RBFA: variants seen among roughly 807,000 people sequenced by gnomAD.
The protein encoded by RBFA is ribosome binding factor A.
RBFA carries 16 observed loss-of-function variants against 27.9 expected under a neutral mutation model. The observed-to-expected ratio is 0.57, with a 90% CI of 0.39 to 0.87. The LOEUF is 0.87. Ranked by LOEUF, RBFA falls within the 40% of genes least tolerant of loss-of-function variation. RBFA has a pLI of 0.00. For missense variants in RBFA, 456 were observed against 432.1 expected (o/e 1.06, Z -0.49); for synonymous variants, 181 against 181.0 (o/e 1.00, Z 0.00).
intron 4 of RBFA, among the ~76,000 whole-genome samples, chr18:80,039,659 CTAGGTACT>C (rs1198154739): frequency 6.6e-6 from 1 of 152,236 alleles, no homozygotes; most frequent in Non-Finnish European, 1.5e-5. Context: ...TTGACAACTT[CTAGGTACT>C]TGAGACTCTT....
intron 4 of RBFA, among the ~76,000 whole-genome samples, chr18:80,038,846 T>C (rs1476542245): frequency 1.3e-5 from 2 of 152,244 alleles, no homozygotes; most frequent in Non-Finnish European, 1.5e-5. Context: ...CTGGAGATCC[T>C]GTCAGGGAGT....
At chr18:80,039,828 G>A (rs548304432) in intron 4 of RBFA, among the ~76,000 whole-genome samples, 1 of 152,376 alleles carries the variant, frequency 6.6e-6, no homozygotes, top group East Asian at 1.9e-4. Flanking sequence ...TCAATTCAAA[G>A]TGTGAGCCAG....
rs1182958404 is a variant in RBFA, at chr18:80,038,488, G to A, written c.379-17G>A. ...CATGTAAGCTAAAAAGTGACCTGTG[G>A]AGGGGCGGGGTCTCAGGTTTCCCTG... On this transcript the variant is annotated splice_polypyrimidine_tract_variant and intron_variant, in intron 3 of 6. Coordinates refer to ENST00000306735, the MANE Select transcript of RBFA (RefSeq NM_024805.3). 6.4e-7 allele frequency: 1 copy of A among 1,567,514 alleles called. No homozygotes were observed.
rs766453821 is a variant in RBFA at position 80,034,463 on chromosome 18, C to T, written c.-33C>T. The T allele has an allele frequency of 1.8e-5, 27 of 1,474,766 alleles. No homozygotes were observed. The highest frequency in any genetic ancestry group is 2.7e-5 in the East Asian group (1 of 36,606). The allele number at this position is 1,474,766 out of a possible 1,614,324, so 91.4% of individuals were successfully genotyped here. A position where few individuals can be genotyped will look rare whatever the true frequency, so the allele number is the denominator to read the frequency against. ...GTCGCTCCGCGCCTGCGCCCGTTGT[C>T]TCCCTGCTCGCTCCGGGTCCCGGCG... is the stretch of plus-strand genomic sequence containing the variant. On this transcript the variant is annotated 5_prime_UTR_variant, in exon 1 of 7. Transcript: ENST00000306735.
rs145894537 is a variant in RBFA at position 80,049,369 on chromosome 18, C to T, written c.*3214C>T. ...ACGCCCTTCTGAATGGGTCCACTCC[C>T]GGGGATTTCCATGGCCTTCCCTGGA... On this transcript the variant is annotated 3_prime_UTR_variant, in exon 7 of 7. Coordinates refer to ENST00000306735, the MANE Select transcript of RBFA (RefSeq NM_024805.3). 3.6e-4 allele frequency among the ~76,000 whole-genome samples: 54 copies of T among 150,752 alleles called. No individual in the cohort carries two copies. Among genetic ancestry groups the T allele is most frequent in the African/African-American group, 1.2e-3 (50 of 40,846 alleles).
chr18:80,038,365 G>A, intron 3 of RBFA, 140 bp from the exon 4 acceptor site: 1 of 609,862 alleles, frequency 1.6e-6, no homozygotes, highest in African/African-American at 1.9e-5. Context: ...GCGGCAGCAG[G>A]AGGTGGCCTC....
chr18:80,043,207 C>G (rs1003793258), intron 5 of RBFA, among the ~76,000 whole-genome samples: 2 of 152,094 alleles, frequency 1.3e-5, no homozygotes, highest in Admixed American at 1.3e-4. Context: ...AAAAGTCAGT[C>G]AAAAATCAGC....
At chr18:80,044,753 A>T (rs761937532) in intron 6 of RBFA, among the ~76,000 whole-genome samples, 1 of 152,242 alleles carries the variant, frequency 6.6e-6, no homozygotes, top group Non-Finnish European at 1.5e-5. Context: ...GCATGTACAC[A>T]CACATACACA....
intron 1 of RBFA, among the ~76,000 whole-genome samples, chr18:80,036,382 G>A (rs750194836): frequency 1.1e-4 from 16 of 152,140 alleles, no homozygotes; most frequent in Non-Finnish European, 1.8e-4. Flanking sequence ...AGCGTATAGT[G>A]TTTATGTGCA....
chr18:80,037,952 G>C (rs546541173), intron 3 of RBFA, among the ~76,000 whole-genome samples: 4 of 152,280 alleles, frequency 2.6e-5, no homozygotes, highest in Non-Finnish European at 4.4e-5. Flanking sequence ...AAATAGAAAT[G>C]ATGCTCAGTC....
In RBFA at chr18:80,046,070, A is replaced by C. The variant is rs150406097; in HGVS notation, c.947A>C (p.Tyr316Ser). The change falls in exon 7 of 7, where the codon TAT (tyrosine) becomes TCT (serine). Residue 316 changes from tyrosine to serine, a missense_variant. Transcript: ENST00000306735. ...DLVGAPEYEC[Y>S]APDTEELEAE... ...GTTGGTGCCCCGGAGTACGAATGCT[A>C]TGCCCCGGACACAGAGGAGTTGGAG... 8.1e-6 allele frequency: 13 copies of C among 1,614,142 alleles called. No individual in the cohort carries two copies. Among genetic ancestry groups the C allele is most frequent in the Non-Finnish European group, 1.1e-5 (13 of 1,180,026 alleles).
rs1446633305 is a variant in RBFA, at chr18:80,048,953, G to A, written c.*2798G>A. Among the ~76,000 whole-genome samples, 1 of 143,594 alleles carries A rather than the reference G, an allele frequency of 7.0e-6. No individual in the cohort carries two copies. 94.2% of individuals were successfully genotyped at this position (143,594 alleles called of 152,430 possible). On this transcript the variant is annotated 3_prime_UTR_variant, in exon 7 of 7. Transcript: ENST00000306735. ...GGATCCAACCAGGCGTCTGCTCAGT[G>A]CCTCCTAGAAAGTGGAGTGTGGGCA...
intron 6 of RBFA, among the ~76,000 whole-genome samples, chr18:80,045,379 A>G (rs1568390013): frequency 6.6e-6 from 1 of 152,090 alleles, no homozygotes. Context: ...GGCGAGCGCC[A>G]CCACGCCCAG....
intron 6 of RBFA, 141 bp downstream of exon 6, chr18:80,044,426 C>G (rs1239413002): frequency 3.0e-5 from 23 of 762,662 alleles, no homozygotes; most frequent in Admixed American, 8.2e-5. Context: ...GGCCGGCAAT[C>G]CACATTCACA....
Position 80,034,587 on chromosome 18 carries a change from A to G in RBFA, c.92A>G (p.Glu31Gly). ...GATGCTGCGCTATTTCCAGGCTGCGAGCGGGGACTTCACTGCTCTGCTGTC... is the reference window on the plus strand; with the variant it reads ...GATGCTGCGCTATTTCCAGGCTGCGGGCGGGGACTTCACTGCTCTGCTGTC... ...SRDAALFPGC[E>G]RGLHCSAVSC... is the part of the protein sequence containing the mutation. Residue 31 changes from glutamate (E) to glycine (G), a missense_variant, in exon 1 of 7, where the codon GAG (glutamate) becomes GGG (glycine). Coordinates refer to ENST00000306735, the MANE Select transcript of RBFA (RefSeq NM_024805.3). 6.2e-7 allele frequency: 1 copy of G among 1,609,768 alleles called. No individual in the cohort carries two copies. The highest frequency in any genetic ancestry group is 1.3e-5 in the African/African-American group (1 of 74,634).
rs373004369 is a variant in RBFA at position 80,046,204 on chromosome 18, G to A, written c.*49G>A. ...CATTTGCAGGGAAAAGCATTGGCAC[G>A]CAACGCAGCATGTGGCTTCATTGAG... On this transcript the variant is annotated 3_prime_UTR_variant, in exon 7 of 7. Transcript: ENST00000306735. 1.8e-5 allele frequency: 29 copies of A among 1,575,104 alleles called. No homozygotes were observed. Among genetic ancestry groups the A allele is most frequent in the Middle Eastern group, 4.1e-4 (2 of 4,918 alleles).
chr18:80,037,428 C>T lies in RBFA; in HGVS notation c.300C>T (p.Leu100=), dbSNP rs1348056523. 5 of 1,614,138 alleles carry T rather than the reference C, an allele frequency of 3.1e-6. No individual in the cohort carries two copies. Among genetic ancestry groups the T allele is most frequent in the Non-Finnish European group, 4.2e-6 (5 of 1,180,008 alleles). The change falls in exon 3 of 7, where the codon CTC becomes CTT. Residue 100 remains leucine, a synonymous_variant. Coordinates refer to ENST00000306735, the MANE Select transcript of RBFA (RefSeq NM_024805.3). ...HARLRALNGL[L]YKALTDLLCT... ...GCCTGAGGGCCCTGAACGGCCTCCT[C>T]TATAAGGCACTGACAGACCTGCTGT...
Position 80,040,239 on chromosome 18 carries a change from A to ATTTTTTTTTTTTTTTTTT in RBFA, c.491+1624_491+1641dup, listed in dbSNP as rs71338083. Among the ~76,000 whole-genome samples, 799 of 91,380 alleles carry ATTTTTTTTTTTTTTTTTT rather than the reference A, an allele frequency of 8.7e-3. 7 individuals are homozygous for ATTTTTTTTTTTTTTTTTT. Among genetic ancestry groups the ATTTTTTTTTTTTTTTTTT allele is most frequent in the Middle Eastern group, 0.026 (3 of 114 alleles). 59.9% of individuals were successfully genotyped at this position (91,380 alleles called of 152,430 possible). A position where few individuals can be genotyped will look rare whatever the true frequency, so the allele number is the denominator to read the frequency against. On this transcript the variant is annotated intron_variant, in intron 4 of 6. Transcript: ENST00000306735. ...TCCAACACATAACTGGGAGGCCTGAATTTTTTTTTTTTTTTTTTTGCTTTT... is the reference window on the plus strand; with the variant it reads ...TCCAACACATAACTGGGAGGCCTGAATTTTTTTTTTTTTTTTTTTTTTTTTTTTTTTTTTTTTGCTTTT...
chr18:80,037,137 G>T, intron 2 of RBFA, 193 bp from the exon 3 acceptor site: 1 of 500,432 alleles, frequency 2.0e-6, no homozygotes, highest in South Asian at 3.7e-5. Context: ...TTTTAATCTT[G>T]GAGGGTTACC....
Sources: gnomAD v4.1 joint callset for allele counts (sites outside exome capture counted in the v4.1 genomes callset) on GRCh38, gnomAD v4.1.1 for gene constraint, MANE v1.5 for transcripts, NCBI Gene and HGNC (gene_info 2026-07-23, HGNC 2026-07-21) for gene names.